CRHR2: variants seen among roughly 807,000 people sequenced by gnomAD.
CRHR2 encodes corticotropin-releasing hormone receptor 2.
A neutral mutation model predicts 57.9 loss-of-function variants in CRHR2; 53 were observed. The observed-to-expected ratio is 0.92, with a 90% CI of 0.73 to 1.15. CRHR2 has a LOEUF of 1.15. CRHR2 is among the 50% of genes most tolerant of loss of function. The probability of loss-of-function intolerance (pLI) is 0.00; values close to 1 mark genes in which losing one functional copy is unlikely to be tolerated. For synonymous variants in CRHR2, 213 were observed against 220.9 expected, an observed-to-expected ratio of 0.96 and a Z score of 0.32; for missense variants, 532 against 542.6, an observed-to-expected ratio of 0.98 and a Z score of 0.19.
intron 1 of CRHR2, among the ~76,000 whole-genome samples, chr7:30,699,014 A>T (rs1272628714): frequency 6.6e-6 from 1 of 152,204 alleles, no homozygotes; most frequent in Non-Finnish European, 1.5e-5. Flanking sequence ...GTATAGGGAC[A>T]CTAAGCCCCA....
At chr7:30,688,904 C>A in intron 2 of CRHR2, 2 of 551,780 alleles carry the variant, frequency 3.6e-6, no homozygotes, top group South Asian at 3.1e-5. Context: ...GGGTCATCCC[C>A]TTCTTGGACT....
At chr7:30,666,084 A>G (rs1404705969) in intron 3 of CRHR2, among the ~76,000 whole-genome samples, 1 of 152,174 alleles carries the variant, frequency 6.6e-6, no homozygotes, top group East Asian at 1.9e-4. Context: ...CTTTTTTAAA[A>G]TTCTAGGCTC....
chr7:30,658,390 C>T (rs1462821636), intron 8 of CRHR2, among the ~76,000 whole-genome samples: 1 of 152,166 alleles, frequency 6.6e-6, no homozygotes, highest in Non-Finnish European at 1.5e-5. Flanking sequence ...AGTGGACAGG[C>T]AGTCACAGCC....
At position 30,667,252 on chromosome 7, in the gene CRHR2, C is replaced by T. The variant is rs1784214725; in HGVS notation, c.291G>A (p.Gln97=). 4 of 1,614,180 alleles carry T rather than the reference C, an allele frequency of 2.5e-6. No individual in the cohort carries two copies. The highest frequency in any genetic ancestry group is 3.4e-6 in the Non-Finnish European group (4 of 1,180,034). ...CCTTGTCATCCAAAATGGGCTCACA[C>T]TGTGAGTAGTTGATCTTTGAGGCCC... ...GTWASKINYS[Q]CEPILDDKQR... Residue 97 remains glutamine (Q), a synonymous_variant, in exon 3 of 12, where the codon CAG becomes CAA. Coordinates refer to ENST00000471646, the MANE Select transcript of CRHR2 (RefSeq NM_001883.5).
chr7:30,700,076 GCA>G, exon 1 of CRHR2: 1 of 1,290,308 alleles, frequency 7.8e-7, no homozygotes, highest in Non-Finnish European at 1.0e-6. Flanking sequence ...CTGCTGCCCA[GCA>G]CGGTGGTCAC....
At chr7:30,675,886 C>T (rs1784500445) in intron 2 of CRHR2, among the ~76,000 whole-genome samples, 1 of 152,186 alleles carries the variant, frequency 6.6e-6, no homozygotes, top group African/African-American at 2.4e-5. Context: ...TCTCTAGGCT[C>T]CTCAATTCTT....
At chr7:30,690,966 C>A (rs907439080) in intron 1 of CRHR2, among the ~76,000 whole-genome samples, 1 of 152,180 alleles carries the variant, frequency 6.6e-6, no homozygotes, top group Non-Finnish European at 1.5e-5. Context: ...GCCTGCAGGA[C>A]AAACACTGGG....
In CRHR2 at chr7:30,667,183, A is replaced by G. The variant is rs8192494; in HGVS notation, c.315+45T>C. ...TCTTCTCTGCTCAACCTGAGTCCAAATACCTGTGTGAGGCCTGGGGTCACA... is the reference window on the plus strand; with the variant it reads ...TCTTCTCTGCTCAACCTGAGTCCAAGTACCTGTGTGAGGCCTGGGGTCACA... On this transcript the variant is annotated intron_variant, in intron 3 of 11. Coordinates refer to ENST00000471646, the MANE Select transcript of CRHR2 (RefSeq NM_001883.5). The G allele has an allele frequency of 6.4e-3, 10,087 of 1,568,218 alleles. 89 individuals are homozygous for G. The highest frequency in any genetic ancestry group is 0.034 in the Middle Eastern group (200 of 5,966).
chr7:30,679,372 A>G (rs1319044582), intron 2 of CRHR2, among the ~76,000 whole-genome samples: 1 of 152,194 alleles, frequency 6.6e-6, no homozygotes, highest in Non-Finnish European at 1.5e-5. Flanking sequence ...GACTTTCAAT[A>G]AGTTACTTCA....
intron 1 of CRHR2, among the ~76,000 whole-genome samples, chr7:30,699,233 GGT>G (rs1785118344): frequency 6.6e-6 from 1 of 152,144 alleles, no homozygotes; most frequent in African/African-American, 2.4e-5. Context: ...CTCTTTTGAT[GGT>G]CGCTCTGTGT....
At position 30,662,747 on chromosome 7, in the gene CRHR2, A is replaced by T; in HGVS notation, c.644T>A (p.Met215Lys). ...GCGCAGGCGCTCAGTGGAGTAGGTC[A>T]TGACAATGGCCGTGTGCAGGTAGCA... ...EGCYLHTAIV[M>K]TYSTERLRKC... Residue 215 changes from methionine (M) to lysine (K), a missense_variant, in exon 6 of 12, where the codon ATG (methionine) becomes AAG (lysine). Transcript: ENST00000471646. The T allele has an allele frequency of 6.2e-7, 1 of 1,614,146 alleles. No individual in the cohort carries two copies. The highest frequency in any genetic ancestry group is 1.1e-5 in the South Asian group (1 of 91,086).
At chr7:30,692,377 C>T (rs10271601) in intron 1 of CRHR2, among the ~76,000 whole-genome samples, 50,683 of 152,082 alleles carry the variant, frequency 0.33, 10,375 homozygotes, top group East Asian at 0.59. Flanking sequence ...AGCTTTCCCT[C>T]GGACAATGGG....
chr7:30,664,668 G>C (rs1268479482), intron 5 of CRHR2, among the ~76,000 whole-genome samples: 3 of 152,000 alleles, frequency 2.0e-5, no homozygotes, highest in African/African-American at 7.2e-5. Context: ...GTGGAGGTGA[G>C]CTCAGGTCTG....
At chr7:30,672,285 C>A (rs2128144805) in intron 2 of CRHR2, among the ~76,000 whole-genome samples, 1 of 152,362 alleles carries the variant, frequency 6.6e-6, no homozygotes, top group Middle Eastern at 3.4e-3. Flanking sequence ...TGGGATTGAT[C>A]TTTCACTGAC....
At chr7:30,688,772 G>A (rs1784902947) in intron 2 of CRHR2, 1 of 456,838 alleles carries the variant, frequency 2.2e-6, no homozygotes, top group Non-Finnish European at 4.4e-6. Context: ...ACCTCTGAGG[G>A]GCCAGAACTC....
At chr7:30,674,802 G>A (rs565162362) in intron 2 of CRHR2, among the ~76,000 whole-genome samples, 3 of 152,220 alleles carry the variant, frequency 2.0e-5, no homozygotes, top group Middle Eastern at 3.4e-3. Flanking sequence ...AATGAGGATA[G>A]CCATTCTTGG....
At chr7:30,698,369 C>T (rs1485617915) in intron 1 of CRHR2, 1 of 152,314 alleles carries the variant, frequency 6.6e-6, no homozygotes, top group East Asian at 1.9e-4. Context: ...GCAGAAGCTT[C>T]CTCCGTCTAA....
chr7:30,689,211 A>G, exon 2 of CRHR2: 4 of 1,550,318 alleles, frequency 2.6e-6, no homozygotes, highest in Non-Finnish European at 3.5e-6. Flanking sequence ...GGTGAGGGTC[A>G]TGATGGTGTG....
chr7:30,697,089 G>T (rs1167321404), intron 1 of CRHR2, among the ~76,000 whole-genome samples: 2 of 152,228 alleles, frequency 1.3e-5, no homozygotes, highest in African/African-American at 4.8e-5. Flanking sequence ...TGGAGCCCCG[G>T]CTCTGCAGAC....
Sources: allele counts gnomAD v4.1 joint callset (sites outside exome capture counted in the v4.1 genomes callset), GRCh38; gene constraint gnomAD v4.1.1; transcripts MANE v1.5; gene names NCBI Gene and HGNC (gene_info 2026-07-23, HGNC 2026-07-21).